COL14A1: variants seen among roughly 807,000 people sequenced by gnomAD.
COL14A1 encodes collagen type XIV alpha 1 chain, also known as collagen alpha-1(XIV) chain.
In COL14A1, 136 loss-of-function variants were observed where a neutral mutation model predicts 230.3. The ratio of observed to expected loss-of-function variants is 0.59; its 90% CI spans 0.51 to 0.68. COL14A1 has a LOEUF of 0.68. COL14A1 is among the 30% of genes least tolerant of loss of function. The probability of loss-of-function intolerance (pLI) is 0.00; values close to 1 mark genes in which losing one functional copy is unlikely to be tolerated. For synonymous variants in COL14A1, 792 were observed against 784.1 expected (o/e 1.01, Z -0.17); for missense variants, 1,976 against 2,215.8 (o/e 0.89, Z 2.17).
In COL14A1 at chr8:120,371,324, G is replaced by C. The variant is rs776774401; in HGVS notation, c.*93G>C. On this transcript the variant is annotated 3_prime_UTR_variant, in exon 48 of 48. Coordinates refer to ENST00000297848, the MANE Select transcript of COL14A1 (RefSeq NM_021110.4). ...TTATGTGGTTTGTATGCTACTTTTG[G>C]GGGGCAGGGCTCATTTCAGCAGCCT... is the stretch of plus-strand genomic sequence containing the variant. 6.7e-6 allele frequency: 6 copies of C among 891,046 alleles called. No individual in the cohort carries two copies. In the South Asian group the frequency reaches 9.7e-5, roughly 14 times the overall value. 55.2% of individuals were successfully genotyped at this position (891,046 alleles called of 1,614,324 possible).
At position 120,280,706 on chromosome 8, in the gene COL14A1, T is replaced by G; in HGVS notation, c.3647-5T>G. On this transcript the variant is annotated splice_region_variant and splice_polypyrimidine_tract_variant and intron_variant, in intron 29 of 47. Transcript: ENST00000297848. ...GAGTTTTATTTTGTTTGTTTGGTTT[T>G]CCAGCCTGTCCAGTGGTACACAAGG... is the stretch of plus-strand genomic sequence containing the variant. 5 of 1,613,106 alleles carry G rather than the reference T, an allele frequency of 3.1e-6. No homozygotes were observed. The highest frequency in any genetic ancestry group is 4.2e-6 in the Non-Finnish European group (5 of 1,179,588).
intron 25 of COL14A1, 126 bp downstream of exon 25, chr8:120,267,009 A>G: frequency 1.3e-6 from 1 of 781,128 alleles, no homozygotes; most frequent in South Asian, 1.6e-5. Context: ...TTTCTCCTTA[A>G]TACAAATGCT....
intron 42 of COL14A1, among the ~76,000 whole-genome samples, chr8:120,340,109 A>AGG (rs1822240550): frequency 6.9e-6 from 1 of 143,946 alleles, no homozygotes; most frequent in African/African-American, 2.6e-5. Flanking sequence ...TGAGTGAGTG[A>AGG]GTGTGTGTGT....
chr8:120,200,862 T>G (rs894237048), intron 8 of COL14A1, among the ~76,000 whole-genome samples: 1 of 150,684 alleles, frequency 6.6e-6, no homozygotes, highest in African/African-American at 2.4e-5. Context: ...GCAGAAGCTG[T>G]GGAAACTATG....
chr8:120,364,893 AAAAAGAAAAG>A (rs900506473), intron 45 of COL14A1, among the ~76,000 whole-genome samples: 1 of 152,032 alleles, frequency 6.6e-6, no homozygotes, highest in African/African-American at 2.4e-5. Flanking sequence ...TCTTAAAAAA[AAAAAGAAAAG>A]AAAAGAAAGA....
intron 14 of COL14A1, among the ~76,000 whole-genome samples, chr8:120,221,583 C>CACACACAT (rs61630814): frequency 6.6e-6 from 1 of 151,744 alleles, no homozygotes; most frequent in East Asian, 1.9e-4. Context: ...CACACACACA[C>CACACACAT]GTTTCTCCTT....
intron 45 of COL14A1, among the ~76,000 whole-genome samples, chr8:120,353,790 G>T (rs1822864840): frequency 6.6e-6 from 1 of 151,892 alleles, no homozygotes; most frequent in Admixed American, 6.5e-5. Context: ...TACACTGTTG[G>T]TGGAACTGTA....
At chr8:120,366,164 C>T (rs1159805010) in intron 45 of COL14A1, among the ~76,000 whole-genome samples, 2 of 152,196 alleles carry the variant, frequency 1.3e-5, no homozygotes, top group Non-Finnish European at 2.9e-5. Context: ...TTGCTTGTTA[C>T]ATCTAATTTG....
intron 8 of COL14A1, among the ~76,000 whole-genome samples, chr8:120,203,041 C>A (rs1055645053): frequency 1.7e-5 from 2 of 119,890 alleles, no homozygotes; most frequent in African/African-American, 5.7e-5. Context: ...CAGTATTTCT[C>A]AATTTCAGTA....
intron 1 of COL14A1, among the ~76,000 whole-genome samples, chr8:120,146,782 C>T (rs1283997065): frequency 6.6e-6 from 1 of 151,780 alleles, no homozygotes; most frequent in East Asian, 1.9e-4. Flanking sequence ...TGCTTCAGAT[C>T]CTTTGTGGGA....
Position 120,228,587 on chromosome 8 carries a change from G to A in COL14A1, c.2138-123G>A. 8.5e-6 allele frequency: 6 copies of A among 706,708 alleles called. No individual in the cohort carries two copies. The South Asian group carries it at 1.1e-4, about 13-fold the overall frequency. The allele number at this position is 706,708 out of a possible 1,614,324, so 43.8% of individuals were successfully genotyped here. ...TCATTTCTTTCGTCTTCTAACCATT[G>A]TCATGTTTGTTGTGGGAGGCAAGTG... On this transcript the variant is annotated intron_variant, in intron 17 of 47. Transcript: ENST00000297848.
intron 3 of COL14A1, among the ~76,000 whole-genome samples, chr8:120,160,194 T>G (rs1451431630): frequency 1.3e-5 from 2 of 152,114 alleles, no homozygotes; most frequent in Admixed American, 1.3e-4. Context: ...AAATATAGCT[T>G]ATTTTTTTAA....
chr8:120,152,027 A>G (rs1815299064), intron 2 of COL14A1, among the ~76,000 whole-genome samples: 1 of 152,186 alleles, frequency 6.6e-6, no homozygotes, highest in African/African-American at 2.4e-5. Flanking sequence ...AAAGAAATTC[A>G]GCCCTTCCGA....
At chr8:120,351,933 C>A (rs1229370250) in intron 45 of COL14A1, among the ~76,000 whole-genome samples, 1 of 95,206 alleles carries the variant, frequency 1.1e-5, no homozygotes, top group Non-Finnish European at 2.0e-5. Context: ...GAGACACAAC[C>A]AAAAAAGAGA....
rs569284649 is a variant in COL14A1, at chr8:120,157,664, T to C, written c.89-466T>C. Among the ~76,000 whole-genome samples the C allele has an allele frequency of 7.2e-5, 11 of 152,248 alleles. No individual in the cohort carries two copies. In the South Asian group the frequency reaches 2.3e-3, roughly 32 times the overall value. ...AGTTTTGTGTTATCTTGCAAACTGA[T>C]CAGTTCATTAGTGAGGTTGTAAAAA... On this transcript the variant is annotated intron_variant, in intron 2 of 47. Coordinates refer to ENST00000297848, the MANE Select transcript of COL14A1 (RefSeq NM_021110.4).
rs1038874981 is a variant in COL14A1, at chr8:120,198,041, C to A, written c.712+111C>A. ...TCATAATGTTTTAATTAAACTAGCA[C>A]TTAGGATTCTTTGATGGCTGTTTTC... On this transcript the variant is annotated intron_variant, in intron 7 of 47. Transcript: ENST00000297848. 69 of 1,073,260 alleles carry A rather than the reference C, an allele frequency of 6.4e-5. No homozygotes were observed. The African/African-American group carries it at 1.1e-3, about 17-fold the overall frequency. The allele number at this position is 1,073,260 out of a possible 1,614,324, so 66.5% of individuals were successfully genotyped here.
chr8:120,139,737 T>G (rs1314688749), intron 1 of COL14A1, among the ~76,000 whole-genome samples: 2 of 152,114 alleles, frequency 1.3e-5, no homozygotes, highest in Non-Finnish European at 2.9e-5. Context: ...TCTTAAAAGG[T>G]AGACATAGCC....
intron 47 of COL14A1, chr8:120,370,433 G>T: frequency 6.3e-7 from 1 of 1,590,128 alleles, no homozygotes; most frequent in South Asian, 1.1e-5. Flanking sequence ...GAACTGTCCT[G>T]TCAACCACCA....
At chr8:120,124,889 G>A (rs1814266852), upstream of COL14A1, among the ~76,000 whole-genome samples, 1 of 152,156 alleles carries the variant, frequency 6.6e-6, no homozygotes, top group African/African-American at 2.4e-5. Context: ...TCCGGCTGCC[G>A]CGCGCACCTG....
Sources: gnomAD v4.1 joint callset for allele counts (sites outside exome capture counted in the v4.1 genomes callset) on GRCh38, gnomAD v4.1.1 for gene constraint, MANE v1.5 for transcripts, NCBI Gene and HGNC (gene_info 2026-07-23, HGNC 2026-07-21) for gene names.